Variants in RBM25 observed in about 807,000 individuals in gnomAD.
The protein encoded by RBM25 is RNA-binding protein 25.
RBM25 carries 19 observed loss-of-function variants against 120.7 expected under a neutral mutation model. That is an observed-to-expected ratio of 0.16 (90% CI 0.11 to 0.23). The LOEUF is 0.23. Among genes scored for constraint, RBM25 ranks in the 10% least tolerant of loss-of-function variants. The pLI is 1.00. For synonymous variants in RBM25, 390 were observed against 326.7 expected, an observed-to-expected ratio of 1.19 and a Z score of -2.09; for missense variants, 605 against 1,041.5, an observed-to-expected ratio of 0.58 and a Z score of 5.77.
At chr14:73,115,852 G>T (rs1178156703) in intron 18 of RBM25, among the ~76,000 whole-genome samples, 6 of 152,206 alleles carry the variant, frequency 3.9e-5, no homozygotes, top group Non-Finnish European at 8.8e-5. Flanking sequence ...TGGTCAGAGT[G>T]TAGAAAGTTC....
At chr14:73,109,165 T>C in intron 13 of RBM25, 177 bp from the exon 14 acceptor site, 2 of 550,730 alleles carry the variant, frequency 3.6e-6, no homozygotes, top group Non-Finnish European at 3.2e-6. Flanking sequence ...ATGCTTGTTA[T>C]ACATTTACAT....
chr14:73,085,522 G>A (rs1895664798), intron 5 of RBM25, among the ~76,000 whole-genome samples: 1 of 150,074 alleles, frequency 6.7e-6, no homozygotes, highest in African/African-American at 2.4e-5. Flanking sequence ...TCAGCTCGCT[G>A]CAACCTCCGC....
intron 5 of RBM25, among the ~76,000 whole-genome samples, chr14:73,086,143 G>A (rs1895679972): frequency 6.6e-6 from 1 of 151,876 alleles, no homozygotes; most frequent in Non-Finnish European, 1.5e-5. Flanking sequence ...GACACTAGGT[G>A]CACTCATATT....
intron 4 of RBM25, 25 bp downstream of exon 4, chr14:73,077,561 TTAAAAA>T (rs1895451298): frequency 6.5e-7 from 1 of 1,526,774 alleles, no homozygotes; most frequent in African/African-American, 1.4e-5. Flanking sequence ...TTATTTTTCA[TTAAAAA>T]TTTTTTTATC....
intron 1 of RBM25, among the ~76,000 whole-genome samples, chr14:73,069,441 A>G (rs1265268225): frequency 6.6e-6 from 1 of 151,972 alleles, no homozygotes; most frequent in Non-Finnish European, 1.5e-5. Context: ...TAGTAGAGAC[A>G]AATATTTTTG....
chr14:73,096,038 C>T (rs1037646564), intron 6 of RBM25, among the ~76,000 whole-genome samples: 3 of 152,046 alleles, frequency 2.0e-5, no homozygotes, highest in African/African-American at 2.4e-5. Context: ...AGTGCAGTGG[C>T]GTAATCTCTG....
chr14:73,091,586 A>G (rs1188589920), intron 6 of RBM25, among the ~76,000 whole-genome samples: 1 of 151,968 alleles, frequency 6.6e-6, no homozygotes, highest in Non-Finnish European at 1.5e-5. Flanking sequence ...GAAAAGCAAT[A>G]TGTGTCTGGA....
intron 2 of RBM25, among the ~76,000 whole-genome samples, chr14:73,074,750 C>T (rs76908827): frequency 3.3e-5 from 5 of 150,504 alleles, no homozygotes; most frequent in East Asian, 3.9e-4. Flanking sequence ...CTCACTCTGT[C>T]GCTGGAGTGC....
At chr14:73,069,746 T>TTAAA (rs545485336) in intron 1 of RBM25, 1 of 44,156 alleles carries the variant, frequency 2.3e-5, no homozygotes, top group African/African-American at 8.1e-5. Context: ...CCCTGTTTCT[T>TTAAA]AAAAAAAAAA....
At chr14:73,064,430 T>C (rs1261173936) in intron 1 of RBM25, among the ~76,000 whole-genome samples, 1 of 151,424 alleles carries the variant, frequency 6.6e-6, no homozygotes, top group African/African-American at 2.4e-5. Flanking sequence ...AGTCTCGCTC[T>C]GTCACCCAGG....
chr14:73,070,029 C>G (rs2140425859), intron 1 of RBM25: 1 of 151,970 alleles, frequency 6.6e-6, no homozygotes, highest in Middle Eastern at 3.4e-3. Context: ...ACAAAGTTTT[C>G]TTTAACATGA....
At chr14:73,103,506 C>A in intron 10 of RBM25, 28 bp downstream of exon 10, 1 of 1,539,582 alleles carries the variant, frequency 6.5e-7, no homozygotes, top group Non-Finnish European at 8.7e-7. Context: ...TTACTGTTTC[C>A]TGATAGCTTT....
chr14:73,063,650 G>A (rs993198639), intron 1 of RBM25, among the ~76,000 whole-genome samples: 19 of 151,156 alleles, frequency 1.3e-4, no homozygotes, highest in Non-Finnish European at 3.0e-5. Context: ...CCAACAACTT[G>A]ATAGCACTTT....
In RBM25 at chr14:73,103,905, G is replaced by GTC. The variant is rs72346306; in HGVS notation, c.1154+470_1154+471dup. Among the ~76,000 whole-genome samples, 556 of 91,694 alleles carry GTC rather than the reference G, an allele frequency of 6.1e-3. 3 individuals carry two copies. The highest frequency in any genetic ancestry group is 0.011 in the Middle Eastern group (2 of 180). 60.2% of individuals were successfully genotyped at this position (91,694 alleles called of 152,430 possible). On this transcript the variant is annotated intron_variant, in intron 10 of 18. Coordinates refer to ENST00000261973, the MANE Select transcript of RBM25 (RefSeq NM_021239.3). ...TCTTTGTCTGTCTGTCTGTCTGTCT[G>GTC]TCTCTCTCTCTCTCTCTCTCTCTCT...
chr14:73,096,317 T>G (rs1388631804), intron 6 of RBM25, among the ~76,000 whole-genome samples: 1 of 152,144 alleles, frequency 6.6e-6, no homozygotes, highest in African/African-American at 2.4e-5. Flanking sequence ...TTACTTTGAT[T>G]CCTTGTTAGG....
At chr14:73,080,190 T>C (rs1471785854) in intron 4 of RBM25, among the ~76,000 whole-genome samples, 2 of 147,112 alleles carry the variant, frequency 1.4e-5, no homozygotes, top group African/African-American at 4.9e-5. Flanking sequence ...CAGTGTCATG[T>C]CCGAGTTTCT....
chr14:73,082,081 G>A (rs1279866924), intron 4 of RBM25, among the ~76,000 whole-genome samples: 1 of 152,100 alleles, frequency 6.6e-6, no homozygotes, highest in African/African-American at 2.4e-5. Context: ...GAGCTTCCAG[G>A]TTTGACCTAT....
intron 6 of RBM25, chr14:73,088,404 G>A: frequency 1.3e-5 from 8 of 611,888 alleles, no homozygotes; most frequent in Non-Finnish European, 2.4e-5. Flanking sequence ...GCTGGACAAG[G>A]TTAACTTGCC....
intron 1 of RBM25, chr14:73,068,725 A>T (rs1895203792): frequency 3.4e-6 from 1 of 294,462 alleles, no homozygotes. Flanking sequence ...TCATTACTGC[A>T]GCCACCCCCT....
Sources: allele counts gnomAD v4.1 joint callset (sites outside exome capture counted in the v4.1 genomes callset), GRCh38; gene constraint gnomAD v4.1.1; transcripts MANE v1.5; gene names NCBI Gene and HGNC (gene_info 2026-07-23, HGNC 2026-07-21).